MCU: variants seen among roughly 807,000 people sequenced by gnomAD.
The protein encoded by MCU is calcium uniporter protein, mitochondrial.
MCU carries 12 observed loss-of-function variants against 45.2 expected under a neutral mutation model. The ratio of observed to expected loss-of-function variants is 0.27; its 90% confidence interval spans 0.17 to 0.43. MCU has a LOEUF of 0.43. Among genes scored for constraint, MCU ranks in the 20% least tolerant of loss-of-function variants. MCU has a pLI of 1.00. For missense variants in MCU, 324 were observed against 436.7 expected (o/e 0.74, Z 2.30); for synonymous variants, 160 against 165.1 (o/e 0.97, Z 0.24).
chr10:72,868,508 C>T (rs1224833671), intron 4 of MCU, among the ~76,000 whole-genome samples, 195 bp from the exon 5 acceptor site: 1 of 150,162 alleles, frequency 6.7e-6, no homozygotes, highest in African/African-American at 2.5e-5. Context: ...GCCAAGATCA[C>T]ACCACTGCAC....
At chr10:72,806,369 A>AG (rs1844451191) in intron 1 of MCU, among the ~76,000 whole-genome samples, 1 of 152,092 alleles carries the variant, frequency 6.6e-6, no homozygotes, top group Non-Finnish European at 1.5e-5. Context: ...CATGTTGGTC[A>AG]GGCTGGTCTT....
At chr10:72,873,293 C>T (rs1345040187) in intron 6 of MCU, among the ~76,000 whole-genome samples, 1 of 152,246 alleles carries the variant, frequency 6.6e-6, no homozygotes, top group East Asian at 1.9e-4. Context: ...GCTGGGATTA[C>T]AGGCGTGAGC....
At chr10:72,808,306 G>C (rs540054017) in intron 1 of MCU, among the ~76,000 whole-genome samples, 1 of 152,296 alleles carries the variant, frequency 6.6e-6, no homozygotes, top group Admixed American at 6.5e-5. Context: ...GTCTACTGTA[G>C]AAATTTGTGA....
chr10:72,801,543 C>A (rs955725813), intron 1 of MCU, among the ~76,000 whole-genome samples: 3 of 151,688 alleles, frequency 2.0e-5, no homozygotes, highest in African/African-American at 7.3e-5. Flanking sequence ...TGGACTGACT[C>A]TGACCCACAG....
chr10:72,810,326 G>A (rs971344886), intron 1 of MCU, among the ~76,000 whole-genome samples: 11 of 152,032 alleles, frequency 7.2e-5, no homozygotes, highest in Admixed American at 2.0e-4. Context: ...AAGAGGTGAC[G>A]TCTTTGACTG....
intron 1 of MCU, among the ~76,000 whole-genome samples, chr10:72,724,151 A>G (rs1164051283): frequency 1.3e-5 from 2 of 152,212 alleles, no homozygotes; most frequent in Admixed American, 6.5e-5. Context: ...AGTTATTTGC[A>G]TTGCTATGGT....
intron 1 of MCU, among the ~76,000 whole-genome samples, chr10:72,720,849 A>G (rs1843012303): frequency 6.6e-6 from 1 of 152,208 alleles, no homozygotes; most frequent in Non-Finnish European, 1.5e-5. Context: ...TGTAACGTGC[A>G]TCTAAGACTC....
At chr10:72,736,855 G>A (rs1238229741) in intron 1 of MCU, among the ~76,000 whole-genome samples, 2 of 152,164 alleles carry the variant, frequency 1.3e-5, no homozygotes, top group Non-Finnish European at 2.9e-5. Context: ...ACATTGTTGC[G>A]TGCTGTCAAC....
At chr10:72,869,672 A>G (rs972632398) in intron 5 of MCU, among the ~76,000 whole-genome samples, 1 of 152,230 alleles carries the variant, frequency 6.6e-6, no homozygotes, top group Admixed American at 6.5e-5. Context: ...TATAATGACT[A>G]TATAGCATTT....
At chr10:72,794,635 A>G (rs973002695) in intron 1 of MCU, among the ~76,000 whole-genome samples, 1 of 152,098 alleles carries the variant, frequency 6.6e-6, no homozygotes, top group Non-Finnish European at 1.5e-5. Flanking sequence ...AAATCTCTGA[A>G]TTTCTTATGA....
At chr10:72,842,799 A>G (rs1339168512) in intron 2 of MCU, among the ~76,000 whole-genome samples, 6 of 151,192 alleles carry the variant, frequency 4.0e-5, no homozygotes, top group Admixed American at 4.0e-4. Flanking sequence ...CAGTGCAATA[A>G]TAATTGCATT....
At chr10:72,831,472 CAT>C (rs1284419939) in intron 1 of MCU, among the ~76,000 whole-genome samples, 3 of 151,984 alleles carry the variant, frequency 2.0e-5, no homozygotes, top group Non-Finnish European at 4.4e-5. Context: ...ATAGTTATAA[CAT>C]AAACTATAAA....
chr10:72,884,380 C>A lies in MCU; in HGVS notation c.976C>A (p.Gln326Lys). The change falls in exon 7 of 8, where the codon CAG becomes AAG. Residue 326 changes from glutamine (Q) to lysine (K), a missense_variant and splice_region_variant. By Grantham distance (53) the Gln-to-Lys change is moderately conservative. Coordinates refer to ENST00000373053, the MANE Select transcript of MCU (RefSeq NM_138357.3). ...KYNQLKDAIA[Q>K]AEMDLKRLRD... ...CAATCAACTCAAGGATGCAATTGCT[C>A]AGGTAAGTTTTACAAAAATTAAAAT... The A allele has an allele frequency of 1.3e-6, 2 of 1,576,892 alleles. No individual in the cohort carries two copies. Among genetic ancestry groups the A allele is most frequent in the Non-Finnish European group, 1.7e-6 (2 of 1,147,096 alleles).
At chr10:72,829,704 T>C (rs1844852317) in intron 1 of MCU, among the ~76,000 whole-genome samples, 1 of 152,048 alleles carries the variant, frequency 6.6e-6, no homozygotes, top group Non-Finnish European at 1.5e-5. Context: ...ATTTAAACCA[T>C]GAAATATTTT....
chr10:72,860,971 A>G (rs535863469), intron 4 of MCU, among the ~76,000 whole-genome samples: 1 of 152,252 alleles, frequency 6.6e-6, no homozygotes, highest in East Asian at 1.9e-4. Context: ...CAGTTATTGT[A>G]CAATAATAAT....
Position 72,768,155 on chromosome 10 carries a change from G to T in MCU, c.151-66204G>T, listed in dbSNP as rs537710497. Among the ~76,000 whole-genome samples, 6 of 152,046 alleles carry T rather than the reference G, an allele frequency of 3.9e-5. No homozygotes were observed. In the South Asian group the frequency reaches 1.0e-3, roughly 26 times the overall value. On this transcript the variant is annotated intron_variant, in intron 1 of 7. Transcript: ENST00000373053. ...CAAACAAAAGACTTTTTTAAAAAAA[G>T]AAGTTGCATTAATTTTTGCATAAAA...
chr10:72,768,381 A>AT (rs1394197510), intron 1 of MCU, among the ~76,000 whole-genome samples: 5 of 152,232 alleles, frequency 3.3e-5, no homozygotes, highest in Non-Finnish European at 7.3e-5. Context: ...TTTTAAAAAC[A>AT]TTTATATAAT....
chr10:72,883,706 T>C (rs1426240061), intron 6 of MCU, among the ~76,000 whole-genome samples: 3 of 152,126 alleles, frequency 2.0e-5, no homozygotes, highest in Admixed American at 1.3e-4. Flanking sequence ...AATGGTTAAA[T>C]AAACTATGAT....
intron 1 of MCU, among the ~76,000 whole-genome samples, chr10:72,793,213 T>C (rs1261302153): frequency 6.6e-6 from 1 of 152,026 alleles, no homozygotes; most frequent in Non-Finnish European, 1.5e-5. Context: ...TGCCACAATA[T>C]AGCTAGGTAC....
Sources: gnomAD v4.1 joint callset for allele counts (sites outside exome capture counted in the v4.1 genomes callset) on GRCh38, gnomAD v4.1.1 for gene constraint, MANE v1.5 for transcripts, NCBI Gene and HGNC (gene_info 2026-07-23, HGNC 2026-07-21) for gene names.